MYO19: variants seen among roughly 807,000 people sequenced by gnomAD.
The protein encoded by MYO19 is unconventional myosin-XIX.
Under a neutral mutation model 129.2 loss-of-function variants are expected in MYO19, and 132 were observed. The observed-to-expected ratio is 1.02, with a 90% CI of 0.89 to 1.18. The LOEUF (loss-of-function observed/expected upper bound fraction) is 1.18. Ranked by LOEUF, MYO19 falls within the 50% of genes most tolerant of loss-of-function variation. The pLI, the probability that MYO19 is intolerant of heterozygous loss-of-function variation, is 0.00. For missense variants in MYO19, 1,210 were observed against 1,216.7 expected (o/e 0.99, Z 0.08); for synonymous variants, 531 against 477.2 (o/e 1.11, Z -1.47).
At chr17:36,522,235 C>T (rs544079343) in intron 6 of MYO19, among the ~76,000 whole-genome samples, 1 of 152,052 alleles carries the variant, frequency 6.6e-6, no homozygotes, top group African/African-American at 2.4e-5. Flanking sequence ...TTTGGCCGGG[C>T]GTGGTGGCTC....
intron 3 of MYO19, among the ~76,000 whole-genome samples, chr17:36,529,004 A>G (rs1354538231): frequency 6.6e-6 from 1 of 152,140 alleles, no homozygotes; most frequent in Non-Finnish European, 1.5e-5. Context: ...CCATGTCTTC[A>G]TCACCTGCCT....
intron 11 of MYO19, 49 bp from the exon 12 acceptor site, chr17:36,511,504 G>T: frequency 1.3e-6 from 2 of 1,502,570 alleles, no homozygotes; most frequent in Non-Finnish European, 1.8e-6. Context: ...CGTGACGTGG[G>T]CCTACTCTGG....
upstream of MYO19, chr17:36,539,319 A>T (rs868030861): frequency 6.0e-5 from 10 of 167,064 alleles, no homozygotes; most frequent in Non-Finnish European, 1.0e-4. Context: ...GATTGTCAAT[A>T]CTTGTTTATT....
intron 5 of MYO19, among the ~76,000 whole-genome samples, chr17:36,527,024 G>C (rs1249799822): frequency 1.3e-5 from 2 of 152,058 alleles, no homozygotes; most frequent in Non-Finnish European, 2.9e-5. Flanking sequence ...AAATTAGCCA[G>C]GTGTGGTGGC....
intron 11 of MYO19, chr17:36,512,699 C>A (rs902365404): frequency 5.4e-6 from 7 of 1,289,090 alleles, no homozygotes; most frequent in African/African-American, 3.0e-5. Flanking sequence ...GTGAGGGTCA[C>A]TTTCCACTGC....
In MYO19 at chr17:36,501,188, C is replaced by A. The variant is rs374122774; in HGVS notation, c.2128G>T (p.Asp710Tyr). 27 of 1,613,852 alleles carry A rather than the reference C, an allele frequency of 1.7e-5. No homozygotes were observed. In the African/African-American group the frequency reaches 3.2e-4, roughly 19 times the overall value. ...AGGACCGGCAGAGTGTGGAGAATGT[C>A]CTGGATGAGAGGTTCAAGCGTGGCT... is the stretch of plus-strand genomic sequence containing the variant. ...EEATLEPLIQ[D>Y]ILHTLPVLTQ... Residue 710 changes from aspartate (D) to tyrosine (Y), a missense_variant, in exon 22 of 26, where the codon GAC becomes TAC. Asp to Tyr is a radical substitution (Grantham distance 160). Coordinates refer to ENST00000614623, the MANE Select transcript of MYO19 (RefSeq NM_001163735.2).
chr17:36,495,894 A>C lies in MYO19; in HGVS notation c.*357T>G. On this transcript the variant is annotated 3_prime_UTR_variant, in exon 26 of 26. Coordinates refer to ENST00000614623, the MANE Select transcript of MYO19 (RefSeq NM_001163735.2). ...CAAATTCCAGCGCCAATTTTAGGCC[A>C]ACTTTGGCTGTTTTCTTCCAAAAGT... 1 of 1,225,884 alleles carries C rather than the reference A, an allele frequency of 8.2e-7. No individual in the cohort carries two copies. Among genetic ancestry groups the C allele is most frequent in the Non-Finnish European group, 1.0e-6 (1 of 980,238 alleles). 75.9% of individuals were successfully genotyped at this position (1,225,884 alleles called of 1,614,324 possible). A position where few individuals can be genotyped will look rare whatever the true frequency, so the allele number is the denominator to read the frequency against.
intron 24 of MYO19, 61 bp downstream of exon 24, chr17:36,499,014 G>T (rs1193729179): frequency 1.5e-6 from 2 of 1,341,338 alleles, no homozygotes; most frequent in South Asian, 1.3e-5. Flanking sequence ...ATTCCCACTC[G>T]GGTCCATCTG....
chr17:36,510,891 G>T lies in MYO19; in HGVS notation c.1012C>A (p.Leu338Met). The T allele has an allele frequency of 6.3e-7, 1 of 1,581,150 alleles. No homozygotes were observed. The highest frequency in any genetic ancestry group is 8.6e-7 in the Non-Finnish European group (1 of 1,163,302). Residue 338 changes from leucine (L) to methionine (M), a missense_variant, in exon 13 of 26, where the codon CTG becomes ATG. By Grantham distance (15) the Leu-to-Met change is conservative. Transcript: ENST00000614623. ...KYSVRTAASL[L>M]GLPEDVLLEM... Reference sequence around the variant, plus strand: ...AGCAGCACGTCCTCTGGGAGCCCCAGCAGCGAGGCTGCCGTCCTGACAGAG... The same window carrying T: ...AGCAGCACGTCCTCTGGGAGCCCCATCAGCGAGGCTGCCGTCCTGACAGAG...
chr17:36,518,209 C>T (rs541089350), intron 6 of MYO19, among the ~76,000 whole-genome samples: 40 of 152,022 alleles, frequency 2.6e-4, no homozygotes, highest in Middle Eastern at 3.4e-3. Context: ...CAGTGGCTCA[C>T]GCCTGGAATC....
intron 17 of MYO19, 39 bp downstream of exon 17, chr17:36,506,924 G>C (rs766118370): frequency 1.3e-6 from 2 of 1,513,334 alleles, no homozygotes; most frequent in Middle Eastern, 3.5e-4. Context: ...CCAGCATCTC[G>C]TTTCTCGCAG....
chr17:36,506,483 A>G lies in MYO19; in HGVS notation c.1770T>C (p.Pro590=). The G allele has an allele frequency of 6.2e-7, 1 of 1,613,748 alleles. No homozygotes were observed. Among genetic ancestry groups the G allele is most frequent in the Admixed American group, 1.7e-5 (1 of 59,996 alleles). The change falls in exon 18 of 26, where the codon CCT becomes CCC. Residue 590 remains proline, a synonymous_variant. Transcript: ENST00000614623. The part of the protein sequence containing the change: ...QEEPPGQSRA[P]VLTVVSKFKA... ...TGAACTTGGACACCACGGTCAACAC[A>G]GGGGCCCTGCTCTGGCCAGGGGGTT...
chr17:36,520,965 T>G (rs2073095731), intron 6 of MYO19, among the ~76,000 whole-genome samples: 1 of 152,250 alleles, frequency 6.6e-6, no homozygotes, highest in Admixed American at 6.5e-5. Context: ...GTTTTTCAAT[T>G]TGGATAATTT....
At position 36,513,292 on chromosome 17, in the gene MYO19, T is replaced by C. The variant is rs1296978727; in HGVS notation, c.894+137A>G. On this transcript the variant is annotated intron_variant, in intron 11 of 25. Coordinates refer to ENST00000614623, the MANE Select transcript of MYO19 (RefSeq NM_001163735.2). ...GACTCAGCAGAACAGAGGTGACTGATTCCTTGGAGGTAGCACAGAAGGGCC... is the reference window on the plus strand; with the variant it reads ...GACTCAGCAGAACAGAGGTGACTGACTCCTTGGAGGTAGCACAGAAGGGCC... The C allele has an allele frequency of 8.4e-6, 13 of 1,538,484 alleles. No individual in the cohort carries two copies. The Admixed American group carries it at 1.6e-4, about 19-fold the overall frequency.
At position 36,505,308 on chromosome 17, in the gene MYO19, G is replaced by A; in HGVS notation, c.1894C>T (p.Leu632Phe). ...CCGGTGTTAATTACCTCCTCTTGGA[G>A]AAAGGTCTGCGCCTGGCCCTGGCTG... ...PNSQGQAQTF[L>F]QEEVLSQLEA... Residue 632 changes from leucine to phenylalanine, a missense_variant, in exon 19 of 26, where the codon CTC (leucine) becomes TTC (phenylalanine). Physicochemically the swap from Leu to Phe is conservative, Grantham distance 22. Coordinates refer to ENST00000614623, the MANE Select transcript of MYO19 (RefSeq NM_001163735.2). 6.2e-7 allele frequency: 1 copy of A among 1,614,186 alleles called. No homozygotes were observed. The highest frequency in any genetic ancestry group is 1.3e-5 in the African/African-American group (1 of 75,070).
At chr17:36,529,267 C>T (rs776539907) in intron 3 of MYO19, among the ~76,000 whole-genome samples, 22 of 152,102 alleles carry the variant, frequency 1.4e-4, no homozygotes, top group Non-Finnish European at 2.2e-4. Flanking sequence ...TCAAGTGATC[C>T]TTCTGCCTCA....
At chr17:36,537,639 A>G (rs1370087920), upstream of MYO19, 40 of 1,614,128 alleles carry the variant, frequency 2.5e-5, no homozygotes, top group South Asian at 3.3e-5. Flanking sequence ...TGGGTCTGCA[A>G]TGGTTTGTCT....
rs754418228 is a variant in MYO19 at position 36,510,726 on chromosome 17, G to C, written c.1157+20C>G. On this transcript the variant is annotated intron_variant, in intron 13 of 25. Transcript: ENST00000614623. ...ACTTGTCGGGGTCCTCCCCAACAAGGGGCCAGAGTAACTGCTCACCGCGCA... is the reference window on the plus strand; with the variant it reads ...ACTTGTCGGGGTCCTCCCCAACAAGCGGCCAGAGTAACTGCTCACCGCGCA... The C allele has an allele frequency of 1.3e-6, 2 of 1,576,796 alleles. No homozygotes were observed. The highest frequency in any genetic ancestry group is 1.7e-6 in the Non-Finnish European group (2 of 1,156,390).
At chr17:36,538,702 T>C, upstream of MYO19, 1 of 1,093,292 alleles carries the variant, frequency 9.1e-7, no homozygotes, top group South Asian at 1.6e-5. Context: ...GGCAACAGTG[T>C]TAACCATATT....
Sources: allele counts gnomAD v4.1 joint callset (sites outside exome capture counted in the v4.1 genomes callset), GRCh38; gene constraint gnomAD v4.1.1; transcripts MANE v1.5; gene names NCBI Gene and HGNC (gene_info 2026-07-23, HGNC 2026-07-21).